TENT2: variants seen among roughly 807,000 people sequenced by gnomAD.
The protein encoded by TENT2 is poly(A) RNA polymerase GLD2.
TENT2 carries 44 observed loss-of-function variants against 72.2 expected under a neutral mutation model. The observed-to-expected ratio is 0.61, with a 90% CI of 0.48 to 0.78. TENT2 has a LOEUF of 0.78. Among genes scored for constraint, TENT2 ranks in the 30% least tolerant of loss-of-function variants. TENT2 has a pLI of 0.00. For synonymous variants in TENT2, 212 were observed against 192.5 expected, an observed-to-expected ratio of 1.10 and a Z score of -0.84; for missense variants, 541 against 569.6, an observed-to-expected ratio of 0.95 and a Z score of 0.51.
rs552598479 is a variant in TENT2 at position 79,687,152 on chromosome 5, C to T, written c.*1879C>T. 3.4e-3 allele frequency among the ~76,000 whole-genome samples: 520 copies of T among 152,190 alleles called. 1 individual carries two copies. Among genetic ancestry groups the T allele is most frequent in the Non-Finnish European group, 5.8e-3 (393 of 68,000 alleles). ...ACTACTGCTTTTCTTTGTTTTACCA[C>T]GAAAAACAGATCAAGAAGTCACTAA... On this transcript the variant is annotated 3_prime_UTR_variant, in exon 15 of 15. Coordinates refer to ENST00000453514, the MANE Select transcript of TENT2 (RefSeq NM_001114394.3).
At chr5:79,683,441 T>C (rs1823796482) in intron 14 of TENT2, among the ~76,000 whole-genome samples, 1 of 151,570 alleles carries the variant, frequency 6.6e-6, no homozygotes, top group Non-Finnish European at 1.5e-5. Flanking sequence ...GCCCAGGAGG[T>C]TGAGGGTGCA....
rs1784132789 is a variant in TENT2, at chr5:79,641,114, T to G, written c.590T>G (p.Leu197Arg). The change falls in exon 6 of 15, where the codon CTT becomes CGT. Residue 197 changes from leucine to arginine, a missense_variant. By Grantham distance (102) the Leu-to-Arg change is moderately radical (BLOSUM62 -2). Transcript: ENST00000453514. ...EIQLLFPQSR[L>R]FLVGSSLNGF... is the part of the protein sequence containing the mutation. ...TCTTCTGTTTCTTTAGAAAGCAGAC[T>G]TTTTTTGGTTGGGTCCTCTTTAAAT... 3 of 1,569,502 alleles carry G rather than the reference T, an allele frequency of 1.9e-6. No individual in the cohort carries two copies. In the East Asian group the frequency reaches 6.8e-5, roughly 36 times the overall value.
rs1825984474 is a variant in TENT2 at position 79,686,226 on chromosome 5, A to G, written c.*953A>G. The stretch of plus-strand genomic sequence containing the variant: ...ATTTTTAGGCAGTAAGTCACCACAA[A>G]ATGTTTTAGATAAGACACAATAAAA... On this transcript the variant is annotated 3_prime_UTR_variant, in exon 15 of 15. Coordinates refer to ENST00000453514, the MANE Select transcript of TENT2 (RefSeq NM_001114394.3). 6.6e-6 allele frequency: 1 copy of G among 152,538 alleles called. No individual in the cohort carries two copies. Among genetic ancestry groups the G allele is most frequent in the Admixed American group, 6.5e-5 (1 of 15,270 alleles). The allele number at this position is 152,538 out of a possible 1,614,324, so 9.4% of individuals were successfully genotyped here.
At chr5:79,648,911 GT>G in intron 9 of TENT2, 150 bp from the exon 10 acceptor site, 1 of 980,040 alleles carries the variant, frequency 1.0e-6, no homozygotes, top group Non-Finnish European at 1.5e-6. Flanking sequence ...ACTAAGGTAA[GT>G]TTTAGACATA....
At chr5:79,622,270 C>G (rs1337158805) in intron 3 of TENT2, among the ~76,000 whole-genome samples, 2 of 152,016 alleles carry the variant, frequency 1.3e-5, no homozygotes, top group African/African-American at 2.4e-5. Flanking sequence ...CCACTGCACT[C>G]TAGCCCGGCA....
chr5:79,676,546 C>T (rs1817496883), intron 12 of TENT2, among the ~76,000 whole-genome samples: 1 of 152,086 alleles, frequency 6.6e-6, no homozygotes, highest in Non-Finnish European at 1.5e-5. Context: ...GGGATTGCGT[C>T]ACTGCACTCC....
intron 4 of TENT2, among the ~76,000 whole-genome samples, chr5:79,628,260 G>T (rs1772073243): frequency 6.6e-6 from 1 of 152,228 alleles, no homozygotes; most frequent in Admixed American, 6.5e-5. Context: ...GAAGGGTTCA[G>T]TGTGAGATAA....
At chr5:79,650,319 T>C (rs1035336060) in intron 10 of TENT2, among the ~76,000 whole-genome samples, 17 of 152,148 alleles carry the variant, frequency 1.1e-4, no homozygotes, top group African/African-American at 4.1e-4. Context: ...ACCTTCTTCA[T>C]GAAGCTTACA....
At chr5:79,620,162 T>C (rs1237925323) in intron 3 of TENT2, 79 bp downstream of exon 3, 3 of 947,244 alleles carry the variant, frequency 3.2e-6, no homozygotes, top group Admixed American at 2.1e-5. Context: ...GAATTAATAT[T>C]GTATGGACCC....
At chr5:79,620,895 A>G (rs552623096) in intron 3 of TENT2, among the ~76,000 whole-genome samples, 1 of 152,194 alleles carries the variant, frequency 6.6e-6, no homozygotes, top group Non-Finnish European at 1.5e-5. Context: ...TCTGTGTGAC[A>G]TAAAACTTCC....
rs1182957743 is a variant in TENT2, at chr5:79,623,331, G to T, written c.307G>T (p.Val103Phe). The change falls in exon 4 of 15, where the codon GTT becomes TTT. Residue 103 changes from valine (V) to phenylalanine (F), a missense_variant. Coordinates refer to ENST00000453514, the MANE Select transcript of TENT2 (RefSeq NM_001114394.3). ...TTCACCCCACCAAGAGCCAACTGTA[G>T]TTAACCAGATAGTGCCTTTATCAGG... ...FHSPHQEPTVVNQIVPLSGER... is the reference protein window; with the variant it reads ...FHSPHQEPTVFNQIVPLSGER... 1.1e-5 allele frequency: 17 copies of T among 1,613,496 alleles called. No homozygotes were observed. Among genetic ancestry groups the T allele is most frequent in the Non-Finnish European group, 1.4e-5 (17 of 1,179,780 alleles).
chr5:79,650,530 C>T (rs183878802), intron 10 of TENT2, among the ~76,000 whole-genome samples: 377 of 151,954 alleles, frequency 2.5e-3, no homozygotes, highest in Non-Finnish European at 3.8e-3. Flanking sequence ...TGAAAAATAT[C>T]CTTTTATTGC....
chr5:79,667,193 TAAGA>T (rs1300104282), intron 11 of TENT2, among the ~76,000 whole-genome samples: 2 of 152,184 alleles, frequency 1.3e-5, no homozygotes, highest in Non-Finnish European at 2.9e-5. Flanking sequence ...AGACTTCAGA[TAAGA>T]AAGTGACTTC....
chr5:79,622,138 T>C (rs1025345246), intron 3 of TENT2, among the ~76,000 whole-genome samples: 2 of 152,000 alleles, frequency 1.3e-5, no homozygotes, highest in Non-Finnish European at 2.9e-5. Context: ...CCATCTCGAC[T>C]AAAAACACAA....
At chr5:79,633,545 G>A (rs1038956876) in intron 4 of TENT2, among the ~76,000 whole-genome samples, 5 of 147,528 alleles carry the variant, frequency 3.4e-5, no homozygotes, top group Non-Finnish European at 7.4e-5. Flanking sequence ...GGTTCAAACG[G>A]TTCTGGGATT....
intron 12 of TENT2, among the ~76,000 whole-genome samples, 160 bp from the exon 13 acceptor site, chr5:79,679,419 A>T (rs533583111): frequency 6.6e-6 from 1 of 152,304 alleles, no homozygotes; most frequent in Non-Finnish European, 1.5e-5. Flanking sequence ...TGGAAAAAAA[A>T]ATATAGAGGT....
intron 1 of TENT2, among the ~76,000 whole-genome samples, chr5:79,614,603 C>T (rs1461587589): frequency 6.6e-6 from 1 of 152,076 alleles, no homozygotes; most frequent in African/African-American, 2.4e-5. Context: ...TTTTATGTAT[C>T]TATCATAAAA....
At chr5:79,649,816 G>A (rs944081444) in intron 10 of TENT2, among the ~76,000 whole-genome samples, 3 of 152,048 alleles carry the variant, frequency 2.0e-5, no homozygotes, top group East Asian at 1.9e-4. Flanking sequence ...TTTCCTAGAC[G>A]TATAGGACAG....
intron 4 of TENT2, among the ~76,000 whole-genome samples, chr5:79,631,559 C>T (rs1169898223): frequency 6.6e-6 from 1 of 152,176 alleles, no homozygotes; most frequent in Non-Finnish European, 1.5e-5. Flanking sequence ...AGTCTATGTC[C>T]AAGACTCGTT....
Sources: gnomAD v4.1 joint callset for allele counts (sites outside exome capture counted in the v4.1 genomes callset) on GRCh38, gnomAD v4.1.1 for gene constraint, MANE v1.5 for transcripts, NCBI Gene and HGNC (gene_info 2026-07-23, HGNC 2026-07-21) for gene names.